Variants in C4orf51 observed in about 807,000 individuals in gnomAD.
C4orf51 encodes uncharacterized protein C4orf51.
In C4orf51, 25 loss-of-function variants were observed where a neutral mutation model predicts 25.2. That is an observed-to-expected ratio of 0.99 (90% confidence interval 0.72 to 1.39). The LOEUF is 1.39. Ranked by LOEUF, C4orf51 falls within the 40% of genes most tolerant of loss-of-function variation. C4orf51 has a pLI of 0.00. For missense variants in C4orf51, 252 were observed against 239.6 expected (o/e 1.05, Z -0.34); for synonymous variants, 100 against 84.5 (o/e 1.18, Z -1.01).
chr4:145,773,593 C>G (rs879352932), downstream of C4orf51, among the ~76,000 whole-genome samples: 6 of 152,196 alleles, frequency 3.9e-5, no homozygotes, highest in Non-Finnish European at 8.8e-5. Context: ...TTAATGACTC[C>G]TTGCTGGTAT....
At chr4:145,730,599 C>T (rs1268002897) in intron 5 of C4orf51, among the ~76,000 whole-genome samples, 1 of 151,694 alleles carries the variant, frequency 6.6e-6, no homozygotes, top group Non-Finnish European at 1.5e-5. Context: ...TTTTGCTATT[C>T]TATTACTTTA....
chr4:145,732,311 A>G, intron 5 of C4orf51, 142 bp from the exon 6 acceptor site: 1 of 590,812 alleles, frequency 1.7e-6, no homozygotes, highest in South Asian at 2.3e-5. Context: ...AGGTTAAGAG[A>G]GATGGAAGAA....
At position 145,729,873 on chromosome 4, in the gene C4orf51, G is replaced by A; in HGVS notation, c.428-19G>A. The stretch of plus-strand genomic sequence containing the variant: ...TCTTTATCGCAAACACTCACACATT[G>A]GCTATCTCTTCACCCTAGGTGTGAG... On this transcript the variant is annotated intron_variant, in intron 4 of 5. Transcript: ENST00000438731. 8.1e-6 allele frequency: 13 copies of A among 1,606,414 alleles called. No homozygotes were observed. The highest frequency in any genetic ancestry group is 1.1e-5 in the Non-Finnish European group (13 of 1,173,148).
At position 145,763,024 on chromosome 4, in the gene C4orf51, A is replaced by G; in HGVS notation, n.167-7964A>G. 1 of 1,439,854 alleles carries G rather than the reference A, an allele frequency of 6.9e-7. No individual in the cohort carries two copies. Among genetic ancestry groups the G allele is most frequent in the Non-Finnish European group, 9.4e-7 (1 of 1,065,924 alleles). The allele number at this position is 1,439,854 out of a possible 1,614,324, so 89.2% of individuals were successfully genotyped here. ...CTCAGCTCACAGAAGAGTGCACACGAGAGAAATATAAAGCCCATTCCCAGG... is the reference window on the plus strand; with the variant it reads ...CTCAGCTCACAGAAGAGTGCACACGGGAGAAATATAAAGCCCATTCCCAGG... On this transcript the variant is annotated intron_variant and non_coding_transcript_variant, in intron 1 of 1. Transcript: ENST00000510096. The surrounding 1 kb of genome is among the most constrained non-coding windows in gnomAD (Gnocchi z 4.6).
At chr4:145,768,042 G>T (rs944004174) in intron 1 of C4orf51, among the ~76,000 whole-genome samples, 12 of 152,152 alleles carry the variant, frequency 7.9e-5, no homozygotes, top group African/African-American at 2.7e-4. Context: ...AAACATATAA[G>T]TAAACATATG....
chr4:145,698,412 A>G (rs979960486), intron 2 of C4orf51, among the ~76,000 whole-genome samples: 2 of 152,234 alleles, frequency 1.3e-5, no homozygotes, highest in African/African-American at 4.8e-5. Context: ...AGGACAACTC[A>G]AAGCATGTGC....
In C4orf51 at chr4:145,680,193, C is replaced by T. The variant is rs771874649; in HGVS notation, c.-11C>T. 19 of 1,584,508 alleles carry T rather than the reference C, an allele frequency of 1.2e-5. No individual in the cohort carries two copies. Among genetic ancestry groups the T allele is most frequent in the Admixed American group, 5.0e-5 (3 of 59,958 alleles). On this transcript the variant is annotated 5_prime_UTR_variant, in exon 1 of 6. Coordinates refer to ENST00000438731, the MANE Select transcript of C4orf51 (RefSeq NM_001080531.3). ...TTGACAAGTTGTTTTCCAGAGAGGC[C>T]GTTCGTAGTTATGTCACACTACTTC...
At chr4:145,715,794 A>C (rs1229958273) in intron 2 of C4orf51, among the ~76,000 whole-genome samples, 1 of 152,186 alleles carries the variant, frequency 6.6e-6, no homozygotes, top group Non-Finnish European at 1.5e-5. Context: ...CTTTAGCAGG[A>C]AAATGACCAT....
the C4orf51 span, among the ~76,000 whole-genome samples, chr4:145,778,903 C>T: frequency 1.3e-5 from 2 of 152,012 alleles, no homozygotes; most frequent in Non-Finnish European, 2.9e-5. Context: ...TTTATTCCTC[C>T]TTGTTAACTT....
chr4:145,737,979 G>A (rs1013042906), intron 1 of C4orf51, among the ~76,000 whole-genome samples: 2 of 152,132 alleles, frequency 1.3e-5, no homozygotes, highest in African/African-American at 4.8e-5. Flanking sequence ...AAAATGCTGA[G>A]GAAGAAAGGA....
rs543413108 is a variant in C4orf51 at position 145,714,626 on chromosome 4, A to G, written c.308-12285A>G. Among the ~76,000 whole-genome samples the G allele has an allele frequency of 1.1e-4, 17 of 152,242 alleles. No individual in the cohort carries two copies. In the East Asian group the frequency reaches 1.4e-3, roughly 12 times the overall value. On this transcript the variant is annotated intron_variant, in intron 2 of 5. Transcript: ENST00000438731. ...TGCTTTTTCATAACAATTATTTTAA[A>G]TTTGTCAGGAAATTTGTAGAGCTCC...
At chr4:145,710,227 A>G (rs1201853249) in intron 2 of C4orf51, among the ~76,000 whole-genome samples, 1 of 152,226 alleles carries the variant, frequency 6.6e-6, no homozygotes, top group Non-Finnish European at 1.5e-5. Context: ...GGTTTAAGGC[A>G]GAAGGAGAAA....
intron 2 of C4orf51, among the ~76,000 whole-genome samples, chr4:145,715,471 C>T (rs1731358769): frequency 6.6e-6 from 1 of 152,154 alleles, no homozygotes; most frequent in Non-Finnish European, 1.5e-5. Context: ...CTGAGGAGCT[C>T]TCTCTTGGCA....
chr4:145,748,635 C>G (rs538907644), intron 1 of C4orf51, among the ~76,000 whole-genome samples: 1 of 152,062 alleles, frequency 6.6e-6, no homozygotes, highest in Non-Finnish European at 1.5e-5. Context: ...TCTTCATTGA[C>G]GCACCGACCA....
At chr4:145,682,650 G>T (rs752983172) in intron 1 of C4orf51, among the ~76,000 whole-genome samples, 3 of 152,148 alleles carry the variant, frequency 2.0e-5, no homozygotes, top group Non-Finnish European at 4.4e-5. Flanking sequence ...AAGAAACTTG[G>T]TAAAAGTCTT....
intron 1 of C4orf51, among the ~76,000 whole-genome samples, chr4:145,692,392 A>T (rs193070078): frequency 6.6e-6 from 1 of 152,234 alleles, no homozygotes; most frequent in Non-Finnish European, 1.5e-5. Flanking sequence ...GACAAAATGT[A>T]TTAAGAGAAG....
chr4:145,757,733 T>C (rs563543711), downstream of C4orf51: 4 of 152,198 alleles, frequency 2.6e-5, no homozygotes, highest in Admixed American at 1.3e-4. Context: ...TACCAGTTAC[T>C]GTCAAAATGA....
intron 2 of C4orf51, among the ~76,000 whole-genome samples, chr4:145,698,167 G>GT (rs149064392): frequency 0.012 from 1,794 of 152,000 alleles, 31 homozygotes; most frequent in African/African-American, 0.04. Context: ...TTTTAAATCA[G>GT]TTTTTTTTCT....
chr4:145,766,617 C>T (rs1034369078), intron 1 of C4orf51, among the ~76,000 whole-genome samples: 1 of 152,092 alleles, frequency 6.6e-6, no homozygotes, highest in African/African-American at 2.4e-5. Context: ...AGGGGCAGCA[C>T]AGAAGAACAA....
Sources: allele counts gnomAD v4.1 joint callset (sites outside exome capture counted in the v4.1 genomes callset), GRCh38; gene constraint gnomAD v4.1.1; non-coding constraint Gnocchi (gnomAD v3.1); transcripts MANE v1.5; gene names NCBI Gene and HGNC (gene_info 2026-07-23, HGNC 2026-07-21).